The following MYT1L variants were observed in gnomAD, a reference collection of about 807,000 sequenced individuals.
MYT1L encodes myelin transcription factor 1-like protein.
A neutral mutation model predicts 126.7 loss-of-function variants in MYT1L; 12 were observed. The ratio of observed to expected loss-of-function variants is 0.09; its 90% CI spans 0.06 to 0.15. MYT1L has a LOEUF of 0.15. MYT1L is among the 10% of genes least tolerant of loss of function. MYT1L has a pLI of 1.00. For missense variants in MYT1L, 979 were observed against 1,585.2 expected, an observed-to-expected ratio of 0.62 and a Z score of 6.49; for synonymous variants, 541 against 604.2, an observed-to-expected ratio of 0.90 and a Z score of 1.53.
chr2:2,236,338 C>A (rs2094303069), intron 2 of MYT1L, among the ~76,000 whole-genome samples: 1 of 148,194 alleles, frequency 6.7e-6, no homozygotes, highest in African/African-American at 2.5e-5. Flanking sequence ...ACATGCCAAC[C>A]CAACCCAGTA....
intron 4 of MYT1L, among the ~76,000 whole-genome samples, chr2:2,041,741 T>C (rs1348179648): frequency 6.6e-6 from 1 of 152,184 alleles, no homozygotes; most frequent in East Asian, 1.9e-4. Flanking sequence ...GGTACCTCTA[T>C]CTTGCAGCTT....
intron 3 of MYT1L, among the ~76,000 whole-genome samples, chr2:2,169,857 G>A (rs2089757736): frequency 6.6e-6 from 1 of 152,134 alleles, no homozygotes; most frequent in Non-Finnish European, 1.5e-5. Context: ...TCTGTATCCA[G>A]GCGTGGAAAC....
At chr2:2,108,587 A>T (rs990508347) in intron 3 of MYT1L, among the ~76,000 whole-genome samples, 2 of 152,214 alleles carry the variant, frequency 1.3e-5, no homozygotes, top group East Asian at 1.9e-4. Flanking sequence ...TGTCAAAGCC[A>T]GTAAAAGGCA....
At chr2:2,243,117 G>A (rs966445670) in intron 2 of MYT1L, among the ~76,000 whole-genome samples, 5 of 152,198 alleles carry the variant, frequency 3.3e-5, no homozygotes, top group African/African-American at 1.2e-4. Context: ...GAAGTACCAA[G>A]GGAGAGGCTG....
chr2:2,186,153 C>T (rs113528626), intron 2 of MYT1L, among the ~76,000 whole-genome samples: 1 of 137,776 alleles, frequency 7.3e-6, no homozygotes, highest in South Asian at 2.3e-4. Flanking sequence ...GCAGCCGGGC[C>T]TCCCAGACGC....
At position 1,998,894 on chromosome 2, in the gene MYT1L, A is replaced by G. The variant is rs921128298; in HGVS notation, c.-157-1547T>C. 3.9e-5 allele frequency among the ~76,000 whole-genome samples: 6 copies of G among 152,260 alleles called. No homozygotes were observed. The Middle Eastern group carries it at 0.01, about 259-fold the overall frequency. Reference sequence around the variant, plus strand: ...TAACATGGATTCACTGGGGGAAAAAAAAAGAAAAGAAAGAAAAAGAGAAAG... The same window carrying G: ...TAACATGGATTCACTGGGGGAAAAAGAAAGAAAAGAAAGAAAAAGAGAAAG... On this transcript the variant is annotated intron_variant, in intron 4 of 24. Transcript: ENST00000647738.
intron 18 of MYT1L, among the ~76,000 whole-genome samples, chr2:1,858,004 G>A (rs911139681): frequency 2.6e-5 from 4 of 151,928 alleles, no homozygotes; most frequent in East Asian, 3.9e-4. Flanking sequence ...CTGGGATTAC[G>A]GGCATGCACC....
intron 18 of MYT1L, among the ~76,000 whole-genome samples, chr2:1,865,589 T>A (rs902243484): frequency 6.6e-6 from 1 of 152,104 alleles, no homozygotes; most frequent in African/African-American, 2.4e-5. Context: ...TCCTTGTTTT[T>A]TTTCTTTTTT....
chr2:2,014,499 G>C (rs1281223191), intron 4 of MYT1L, among the ~76,000 whole-genome samples: 2 of 152,208 alleles, frequency 1.3e-5, no homozygotes, highest in Non-Finnish European at 2.9e-5. Flanking sequence ...GGAAGGTCGT[G>C]TCTGCATGGA....
chr2:2,230,366 A>G (rs921175001), intron 2 of MYT1L, among the ~76,000 whole-genome samples: 5 of 152,238 alleles, frequency 3.3e-5, no homozygotes, highest in Admixed American at 2.6e-4. Context: ...TCAAGCTCGA[A>G]TTTCTGAAAG....
At chr2:2,254,165 A>G (rs1334684906) in intron 2 of MYT1L, among the ~76,000 whole-genome samples, 1 of 152,198 alleles carries the variant, frequency 6.6e-6, no homozygotes, top group Non-Finnish European at 1.5e-5. Context: ...GCAACATATA[A>G]GGTTTTGCAT....
chr2:2,070,831 G>A (rs895065736), intron 3 of MYT1L, among the ~76,000 whole-genome samples: 6 of 152,204 alleles, frequency 3.9e-5, no homozygotes, highest in South Asian at 4.1e-4. Context: ...ACTTATTTGA[G>A]TGTCCTTGGA....
rs2092702228 is a variant in MYT1L, at chr2:2,194,098, G to C, written c.-420-21110C>G. Among the ~76,000 whole-genome samples the C allele has an allele frequency of 4.0e-5, 6 of 151,450 alleles. No homozygotes were observed. The South Asian group carries it at 1.3e-3, about 32-fold the overall frequency. On this transcript the variant is annotated intron_variant, in intron 2 of 24. Transcript: ENST00000647738. ...ATTATTCATATATATATATATTTTT[G>C]AGATGGGTTCTCACTCTGTCCCCCA... is the stretch of plus-strand genomic sequence containing the variant.
At chr2:2,010,915 G>A (rs2063762783) in intron 4 of MYT1L, among the ~76,000 whole-genome samples, 1 of 152,168 alleles carries the variant, frequency 6.6e-6, no homozygotes, top group Non-Finnish European at 1.5e-5. Context: ...TAGTCAAAGG[G>A]GAGAGAATCA....
intron 8 of MYT1L, among the ~76,000 whole-genome samples, chr2:1,967,430 G>C (rs1269922899): frequency 1.3e-5 from 2 of 152,166 alleles, no homozygotes; most frequent in Admixed American, 6.5e-5. Context: ...GAGACGGCCC[G>C]GGGTGAACGC....
chr2:2,048,748 C>A (rs1235816735), intron 4 of MYT1L, among the ~76,000 whole-genome samples: 1 of 152,154 alleles, frequency 6.6e-6, no homozygotes. Context: ...TCCTATTTTC[C>A]AACTTTGCTT....
At chr2:1,827,451 C>T (rs529545498) in intron 21 of MYT1L, 4 of 152,288 alleles carry the variant, frequency 2.6e-5, no homozygotes, top group South Asian at 2.1e-4. Context: ...GGTCCTCATT[C>T]CCGCCACCCT....
chr2:2,210,672 G>T (rs2093473106), intron 2 of MYT1L, among the ~76,000 whole-genome samples: 1 of 152,062 alleles, frequency 6.6e-6, no homozygotes, highest in Admixed American at 6.6e-5. Context: ...GATTCCTCCA[G>T]TTTTGTTCTT....
At chr2:1,975,214 C>G (rs1191594401) in intron 8 of MYT1L, among the ~76,000 whole-genome samples, 1 of 94,024 alleles carries the variant, frequency 1.1e-5, no homozygotes, top group Non-Finnish European at 2.0e-5. Flanking sequence ...AGACCCAGAA[C>G]ACCACTGAGG....
Sources: gnomAD v4.1 joint callset for allele counts (sites outside exome capture counted in the v4.1 genomes callset) on GRCh38, gnomAD v4.1.1 for gene constraint, MANE v1.5 for transcripts, NCBI Gene and HGNC (gene_info 2026-07-23, HGNC 2026-07-21) for gene names.